Variants in DZIP1 observed in about 807,000 individuals in gnomAD.
DZIP1 encodes the protein DAZ interacting zinc finger protein 1.
Under a neutral mutation model 107.6 loss-of-function variants are expected in DZIP1, and 97 were observed. The observed-to-expected ratio is 0.90, with a 90% confidence interval of 0.77 to 1.07. The LOEUF (loss-of-function observed/expected upper bound fraction) is 1.07, where lower values mean the gene tolerates loss of function less well. DZIP1 is among the 50% of genes least tolerant of loss of function. The probability of loss-of-function intolerance (pLI) is 0.00; values close to 1 mark genes in which losing one functional copy is unlikely to be tolerated. For synonymous variants in DZIP1, 390 were observed against 386.4 expected (o/e 1.01, Z -0.11); for missense variants, 1,035 against 1,063.6 (o/e 0.97, Z 0.37).
chr13:95,604,243 G>A (rs1163504107), intron 14 of DZIP1, among the ~76,000 whole-genome samples: 1 of 152,220 alleles, frequency 6.6e-6, no homozygotes, highest in African/African-American at 2.4e-5. Flanking sequence ...GATTTTTCAT[G>A]GTAAAGAACC....
chr13:95,619,781 TC>T, intron 10 of DZIP1, 103 bp downstream of exon 10: 2 of 1,105,294 alleles, frequency 1.8e-6, no homozygotes, highest in Admixed American at 2.2e-5. Flanking sequence ...TACACATTTC[TC>T]CCCAAATGTT....
At chr13:95,623,847 G>A (rs9525034) in intron 8 of DZIP1, among the ~76,000 whole-genome samples, 117,012 of 152,120 alleles carry the variant, frequency 0.77, 47,379 homozygotes, top group Non-Finnish European at 0.9. Context: ...GCTGAAGCAC[G>A]AGAATCACTT....
At chr13:95,630,627 C>G in intron 6 of DZIP1, 2 of 1,002,526 alleles carry the variant, frequency 2.0e-6, no homozygotes, top group Non-Finnish European at 2.6e-6. Flanking sequence ...GGGCCATAGT[C>G]TATCAACTGG....
chr13:95,597,610 G>A (rs1414703774), intron 15 of DZIP1, among the ~76,000 whole-genome samples: 2 of 152,182 alleles, frequency 1.3e-5, no homozygotes, highest in African/African-American at 4.8e-5. Context: ...AGGCAATGTG[G>A]GGCAAAAGAG....
At chr13:95,633,451 G>A (rs1356668983) in intron 5 of DZIP1, 130 bp from the exon 6 acceptor site, 2 of 715,052 alleles carry the variant, frequency 2.8e-6, no homozygotes, top group Non-Finnish European at 2.4e-6. Flanking sequence ...AGGAGGTCAA[G>A]GTAGGCAGAT....
At chr13:95,589,586 C>G (rs1276921500) in intron 18 of DZIP1, among the ~76,000 whole-genome samples, 1 of 152,204 alleles carries the variant, frequency 6.6e-6, no homozygotes, top group African/African-American at 2.4e-5. Flanking sequence ...TCAGAGGTAT[C>G]TCCACCATCT....
At position 95,584,783 on chromosome 13, in the gene DZIP1, A is replaced by G; in HGVS notation, c.2477T>C (p.Val826Ala). 1 of 1,614,170 alleles carries G rather than the reference A, an allele frequency of 6.2e-7. No homozygotes were observed. The highest frequency in any genetic ancestry group is 8.5e-7 in the Non-Finnish European group (1 of 1,180,018). The stretch of plus-strand genomic sequence containing the variant: ...ATTAAATGCGCCCCAGGCATTTAGC[A>G]CATGAGCAAAATGTGGTTCATTTTT... ...PAKNEPHFAH[V>A]LNAWGAFNPK... is the part of the protein sequence containing the mutation. Residue 826 changes from valine (V) to alanine (A), a missense_variant, in exon 22 of 23, where the codon GTG (valine) becomes GCG (alanine). Transcript: ENST00000376829.
At chr13:95,586,927 A>T (rs1011712362) in intron 20 of DZIP1, among the ~76,000 whole-genome samples, 3 of 152,212 alleles carry the variant, frequency 2.0e-5, no homozygotes, top group African/African-American at 7.2e-5. Context: ...GTATTAGAAC[A>T]GCCATTCTCA....
At chr13:95,587,420 T>C in intron 20 of DZIP1, 119 bp downstream of exon 20, 1 of 1,368,990 alleles carries the variant, frequency 7.3e-7, no homozygotes, top group Non-Finnish European at 9.9e-7. Flanking sequence ...GCCTTTGGGA[T>C]CCGCTGCATC....
chr13:95,610,129 A>T (rs1181439141), intron 12 of DZIP1, among the ~76,000 whole-genome samples: 1 of 151,140 alleles, frequency 6.6e-6, no homozygotes, highest in Non-Finnish European at 1.5e-5. Flanking sequence ...AGACAGAGAG[A>T]GAGAGACAGA....
chr13:95,637,583 A>G (rs1037961306), intron 5 of DZIP1, among the ~76,000 whole-genome samples: 1 of 148,356 alleles, frequency 6.7e-6, no homozygotes, highest in Non-Finnish European at 1.5e-5. Context: ...TTAAAAAAAG[A>G]AAAAGAGAGA....
chr13:95,604,601 G>C (rs142173898), intron 14 of DZIP1, among the ~76,000 whole-genome samples: 1 of 152,196 alleles, frequency 6.6e-6, no homozygotes, highest in Non-Finnish European at 1.5e-5. Context: ...AGAAATGATC[G>C]ATTTGTCCGG....
chr13:95,592,872 TAC>T (rs1463968015), intron 16 of DZIP1, among the ~76,000 whole-genome samples: 2 of 152,324 alleles, frequency 1.3e-5, no homozygotes, highest in East Asian at 1.9e-4. Context: ...TATAAAATAT[TAC>T]ACAGTGTATG....
chr13:95,627,385 A>G (rs1876673759), intron 7 of DZIP1, among the ~76,000 whole-genome samples: 1 of 152,024 alleles, frequency 6.6e-6, no homozygotes, highest in South Asian at 2.1e-4. Context: ...GACCTAATAG[A>G]GCTAAAGTGA....
intron 21 of DZIP1, 73 bp from the exon 22 acceptor site, chr13:95,584,983 A>C: frequency 7.8e-7 from 1 of 1,274,164 alleles, no homozygotes; most frequent in South Asian, 1.4e-5. Context: ...TTTATTGGTT[A>C]GACTGAGCAT....
chr13:95,609,669 C>CT (rs1435515114), intron 12 of DZIP1, among the ~76,000 whole-genome samples, 156 bp from the exon 13 acceptor site: 22 of 152,282 alleles, frequency 1.4e-4, no homozygotes, highest in Non-Finnish European at 2.9e-4. Flanking sequence ...TAACATACAT[C>CT]TTTTTGAAGC....
At position 95,612,303 on chromosome 13, in the gene DZIP1, T is replaced by C. The variant is rs957219644; in HGVS notation, c.1174-126A>G. 3 of 1,076,662 alleles carry C rather than the reference T, an allele frequency of 2.8e-6. No homozygotes were observed. The African/African-American group carries it at 4.8e-5, about 17-fold the overall frequency. 66.7% of individuals were successfully genotyped at this position (1,076,662 alleles called of 1,614,324 possible). The stretch of plus-strand genomic sequence containing the variant: ...GATGCTATCCGTGCGCATCAAGTCG[T>C]TGAATAAATCTTTGATCATGGTATA... On this transcript the variant is annotated intron_variant, in intron 10 of 22. Coordinates refer to ENST00000376829, the MANE Select transcript of DZIP1 (RefSeq NM_198968.4).
At chr13:95,610,111 T>TGTGTGTGTGTGTGAGAGA (rs368276400) in intron 12 of DZIP1, among the ~76,000 whole-genome samples, 2 of 126,664 alleles carry the variant, frequency 1.6e-5, no homozygotes, top group African/African-American at 5.9e-5. Context: ...TGTGTGTGTG[T>TGTGTGTGTGTGTGAGAGA]GAGAGAGAGA....
intron 10 of DZIP1, among the ~76,000 whole-genome samples, chr13:95,613,615 G>A (rs142044279): frequency 8.5e-5 from 13 of 152,244 alleles, no homozygotes; most frequent in East Asian, 3.9e-4. Flanking sequence ...GGAAGTGTCC[G>A]TGCCTGAGAT....
Sources: allele counts gnomAD v4.1 joint callset (sites outside exome capture counted in the v4.1 genomes callset), GRCh38; gene constraint gnomAD v4.1.1; transcripts MANE v1.5; gene names NCBI Gene and HGNC (gene_info 2026-07-23, HGNC 2026-07-21).